ACTA2: variants seen among roughly 807,000 people sequenced by gnomAD.
ACTA2 encodes the protein actin, aortic smooth muscle.
ACTA2 carries 12 observed loss-of-function variants against 39.5 expected under a neutral mutation model. That is an observed-to-expected ratio of 0.30 (90% CI 0.19 to 0.49). The LOEUF (loss-of-function observed/expected upper bound fraction) is 0.49, where lower values mean the gene tolerates loss of function less well. Ranked by LOEUF, ACTA2 falls within the 20% of genes least tolerant of loss-of-function variation. The pLI is 0.99. For synonymous variants in ACTA2, 158 were observed against 180.6 expected, an observed-to-expected ratio of 0.88 and a Z score of 1.00; for missense variants, 236 against 498.8, an observed-to-expected ratio of 0.47 and a Z score of 5.02.
intron 5 of ACTA2, 36 bp downstream of exon 5, chr10:88,941,749 G>T (rs1234390627): frequency 1.9e-6 from 3 of 1,573,656 alleles, no homozygotes; most frequent in Non-Finnish European, 2.6e-6. Flanking sequence ...CTGGCAGTGC[G>T]CTCCAACCAG....
At chr10:88,973,291 C>G (rs893166441) in intron 1 of ACTA2, 5 of 1,611,982 alleles carry the variant, frequency 3.1e-6, no homozygotes, top group Non-Finnish European at 3.4e-6. Context: ...TCTAGGTCAT[C>G]ATCACCATCT....
Position 88,937,888 on chromosome 10 carries a change from C to T in ACTA2, c.990+173G>A, listed in dbSNP as rs1192525791. Among the ~76,000 whole-genome samples, 3 of 152,114 alleles carry T rather than the reference C, an allele frequency of 2.0e-5. No homozygotes were observed. The East Asian group carries it at 5.8e-4, about 29-fold the overall frequency. The stretch of plus-strand genomic sequence containing the variant: ...TTTTATATAAAGTAACTCAATTTTT[C>T]TTATGAACTAGATTGACTTACATCC... On this transcript the variant is annotated intron_variant, in intron 8 of 8. Coordinates refer to ENST00000224784, the MANE Select transcript of ACTA2 (RefSeq NM_001613.4).
chr10:88,947,433 GA>G (rs1461771956), intron 2 of ACTA2, 47 bp from the exon 3 acceptor site: 1 of 1,609,718 alleles, frequency 6.2e-7, no homozygotes, highest in African/African-American at 1.3e-5. Context: ...CAAAACTTGT[GA>G]ATCAATTACA....
intron 8 of ACTA2, among the ~76,000 whole-genome samples, chr10:88,937,224 G>A (rs966248992): frequency 2.8e-4 from 43 of 152,194 alleles, no homozygotes; most frequent in African/African-American, 9.9e-4. Context: ...ACACTCTCTA[G>A]TGTTAGCTGC....
At position 88,990,593 on chromosome 10, in the gene ACTA2, A is replaced by AG; in HGVS notation, c.-24+345dup. ...GCCCTCCCCAACCCGGGCGTTCCCC[A>AG]GCGAGGCTTCCTTCCCATCCTCCTG... is the stretch of plus-strand genomic sequence containing the variant. On this transcript the variant is annotated intron_variant, in intron 1 of 4. Coordinates refer to the ACTA2 transcript ENST00000415557. The surrounding 1 kb of genome is among the most constrained non-coding windows in gnomAD (Gnocchi z 4.9). The AG allele has an allele frequency of 4.5e-6, 3 of 673,358 alleles. No homozygotes were observed. Among genetic ancestry groups the AG allele is most frequent in the Non-Finnish European group, 8.2e-6 (3 of 367,860 alleles). The allele number at this position is 673,358 out of a possible 1,614,324, so 41.7% of individuals were successfully genotyped here. A position where few individuals can be genotyped will look rare whatever the true frequency, so the allele number is the denominator to read the frequency against.
At chr10:88,970,482 T>C (rs1488394347) in intron 1 of ACTA2, among the ~76,000 whole-genome samples, 1 of 152,176 alleles carries the variant, frequency 6.6e-6, no homozygotes, top group African/African-American at 2.4e-5. Flanking sequence ...ACTACCTGAA[T>C]AGGTCTGGTT....
At chr10:88,979,978 G>A (rs1213322479) in intron 1 of ACTA2, among the ~76,000 whole-genome samples, 1 of 152,228 alleles carries the variant, frequency 6.6e-6, no homozygotes, top group East Asian at 1.9e-4. Flanking sequence ...GAGCTTGACA[G>A]ATGCAGAAAA....
chr10:88,947,986 A>G (rs1383178546), intron 2 of ACTA2, among the ~76,000 whole-genome samples: 1 of 152,180 alleles, frequency 6.6e-6, no homozygotes, highest in African/African-American at 2.4e-5. Context: ...AAAAATCATT[A>G]AGGTGAAGTT....
chr10:88,971,970 G>A (rs1218591629), intron 1 of ACTA2, among the ~76,000 whole-genome samples: 2 of 151,032 alleles, frequency 1.3e-5, no homozygotes, highest in African/African-American at 4.9e-5. Context: ...GTGCAGAGGC[G>A]TGATCTCAGC....
rs1846002030 is a variant in ACTA2, at chr10:88,948,927, A to T, written c.4T>A (p.Cys2Ser). The T allele has an allele frequency of 3.1e-6, 5 of 1,613,746 alleles. No individual in the cohort carries two copies. In the East Asian group the frequency reaches 1.1e-4, roughly 36 times the overall value. Residue 2 changes from cysteine to serine, a missense_variant, in exon 2 of 9, where the codon TGT becomes AGT. Cys to Ser is a moderately radical substitution (Grantham distance 112, BLOSUM62 -1). Coordinates refer to ENST00000224784, the MANE Select transcript of ACTA2 (RefSeq NM_001613.4). M[C>S]EEEDSTALVC... ...AAGGCAGTGCTGTCCTCTTCTTCAC[A>T]CATAGCTGGAGCTGCTTCACAGGAT...
Position 88,940,770 on chromosome 10 carries a change from C to T in ACTA2, c.616+459G>A, listed in dbSNP as rs544963797. ...TCCACATGCGTTCTTCCATTTAATA[C>T]TGATAACAATCATGTGATATAGGGT... On this transcript the variant is annotated intron_variant, in intron 6 of 8. Coordinates refer to ENST00000224784, the MANE Select transcript of ACTA2 (RefSeq NM_001613.4). 1.6e-5 allele frequency: 4 copies of T among 246,136 alleles called. No homozygotes were observed. In the East Asian group the frequency reaches 3.5e-4, roughly 22 times the overall value. The allele number at this position is 246,136 out of a possible 1,614,324, so 15.2% of individuals were successfully genotyped here.
In ACTA2 at chr10:88,973,317, A is replaced by C. The variant is rs774745325; in HGVS notation, c.-24+17622T>G. On this transcript the variant is annotated intron_variant, in intron 1 of 4. Transcript: ENST00000415557. ...ATCACCATCTGAACAGCTCTGAGAG[A>C]GACAAGAAGTGGAATGGAGAAGGTG... 3 of 1,570,488 alleles carry C rather than the reference A, an allele frequency of 1.9e-6. No individual in the cohort carries two copies. The Admixed American group carries it at 5.4e-5, about 28-fold the overall frequency.
intron 1 of ACTA2, among the ~76,000 whole-genome samples, chr10:88,952,483 A>C (rs763804686): frequency 3.9e-5 from 6 of 152,230 alleles, no homozygotes; most frequent in Admixed American, 6.5e-5. Context: ...ATTTTACAGA[A>C]GACATGCATT....
chr10:88,935,585 C>T (rs907726869), intron 8 of ACTA2: 5 of 503,086 alleles, frequency 9.9e-6, no homozygotes, highest in African/African-American at 1.9e-5. Context: ...TAAGCACATT[C>T]GTTTTTCTCA....
intron 5 of ACTA2, 21 bp downstream of exon 5, chr10:88,941,764 C>G (rs932988356): frequency 2.5e-6 from 4 of 1,602,550 alleles, no homozygotes; most frequent in Non-Finnish European, 3.4e-6. Context: ...AACCAGCTTG[C>G]TGTCCCGCCC....
At chr10:88,989,300 C>T (rs1847026887) in intron 1 of ACTA2, among the ~76,000 whole-genome samples, 1 of 151,946 alleles carries the variant, frequency 6.6e-6, no homozygotes, top group African/African-American at 2.4e-5. Flanking sequence ...CTTCCCTTAC[C>T]TCTCCTTTCC....
At chr10:88,937,813 G>C (rs924879015) in intron 8 of ACTA2, among the ~76,000 whole-genome samples, 4 of 152,202 alleles carry the variant, frequency 2.6e-5, no homozygotes, top group African/African-American at 9.7e-5. Context: ...TGTTGACTTT[G>C]ACTGCAGCTA....
At chr10:88,971,451 G>T (rs1466097471) in intron 1 of ACTA2, among the ~76,000 whole-genome samples, 1 of 152,218 alleles carries the variant, frequency 6.6e-6, no homozygotes, top group Non-Finnish European at 1.5e-5. Context: ...TTCAAGTTAG[G>T]ATCTGAGTGT....
intron 1 of ACTA2, among the ~76,000 whole-genome samples, chr10:88,976,384 G>A (rs1846564942): frequency 6.6e-6 from 1 of 152,316 alleles, no homozygotes; most frequent in Admixed American, 6.5e-5. Context: ...GAGTAAACAA[G>A]GGGAAACTAT....
Sources: allele counts gnomAD v4.1 joint callset (sites outside exome capture counted in the v4.1 genomes callset), GRCh38; gene constraint gnomAD v4.1.1; non-coding constraint Gnocchi (gnomAD v3.1); transcripts MANE v1.5; gene names NCBI Gene and HGNC (gene_info 2026-07-23, HGNC 2026-07-21).